The following CPQ variants were observed in gnomAD, a reference collection of about 807,000 sequenced individuals.
CPQ encodes the protein Ser-Met dipeptidase.
Under a neutral mutation model 45.7 loss-of-function variants are expected in CPQ, and 37 were observed. That is an observed-to-expected ratio of 0.81 (90% CI 0.62 to 1.07). The LOEUF is 1.07. Among genes scored for constraint, CPQ ranks in the 50% least tolerant of loss-of-function variants. CPQ has a pLI of 0.00. For synonymous variants in CPQ, 186 were observed against 205.8 expected, an observed-to-expected ratio of 0.90 and a Z score of 0.82; for missense variants, 537 against 572.9, an observed-to-expected ratio of 0.94 and a Z score of 0.64.
intron 5 of CPQ, among the ~76,000 whole-genome samples, chr8:97,001,455 C>T (rs185898765): frequency 6.3e-4 from 95 of 151,972 alleles, no homozygotes; most frequent in African/African-American, 2.2e-3. Flanking sequence ...TAACATGAAT[C>T]GTTGTTGAAT....
intron 2 of CPQ, among the ~76,000 whole-genome samples, chr8:96,802,601 A>G (rs1811021376): frequency 6.6e-6 from 1 of 152,134 alleles, no homozygotes; most frequent in African/African-American, 2.4e-5. Context: ...TCAGAACTTT[A>G]TGTCATCAAA....
intron 1 of CPQ, among the ~76,000 whole-genome samples, chr8:96,762,849 A>G (rs1321532831): frequency 1.3e-5 from 2 of 152,190 alleles, no homozygotes; most frequent in Non-Finnish European, 2.9e-5. Context: ...ATTTAGGCGT[A>G]TGATCAATTT....
chr8:97,070,054 T>G (rs1233983225), intron 7 of CPQ, among the ~76,000 whole-genome samples: 1 of 152,156 alleles, frequency 6.6e-6, no homozygotes, highest in Non-Finnish European at 1.5e-5. Context: ...ATATAAGGCT[T>G]TGGGGAAAAA....
intron 4 of CPQ, among the ~76,000 whole-genome samples, chr8:96,943,336 A>G (rs555687475): frequency 2.0e-5 from 3 of 152,304 alleles, no homozygotes; most frequent in South Asian, 4.1e-4. Flanking sequence ...TAAAGATCCT[A>G]TATACTATTT....
chr8:97,056,283 C>T (rs921231623), intron 6 of CPQ: 5 of 152,174 alleles, frequency 3.3e-5, no homozygotes, highest in Non-Finnish European at 7.3e-5. Flanking sequence ...GAATTTGGAA[C>T]TCATCACCAT....
chr8:97,046,869 G>T (rs943216904), intron 6 of CPQ, among the ~76,000 whole-genome samples: 7 of 152,168 alleles, frequency 4.6e-5, no homozygotes, highest in Admixed American at 3.9e-4. Context: ...TTTGAATTAG[G>T]AAAGGTCAAA....
intron 5 of CPQ, among the ~76,000 whole-genome samples, chr8:96,970,075 TG>T (rs1211614015): frequency 6.6e-6 from 1 of 152,092 alleles, no homozygotes; most frequent in Non-Finnish European, 1.5e-5. Flanking sequence ...CTCTTAGAAA[TG>T]GGGACCCATC....
intron 5 of CPQ, among the ~76,000 whole-genome samples, chr8:96,977,323 T>TA (rs1813806261): frequency 2.1e-5 from 2 of 93,398 alleles, no homozygotes; most frequent in South Asian, 6.6e-4. Context: ...ATATCCGTAA[T>TA]CAAAAAAAAA....
chr8:96,990,200 C>T (rs1333825449), intron 5 of CPQ, among the ~76,000 whole-genome samples: 1 of 152,122 alleles, frequency 6.6e-6, no homozygotes, highest in Non-Finnish European at 1.5e-5. Flanking sequence ...GCTACTCTTC[C>T]AGCCCAAATT....
intron 3 of CPQ, among the ~76,000 whole-genome samples, chr8:96,863,292 G>A (rs991441063): frequency 6.6e-6 from 1 of 152,036 alleles, no homozygotes; most frequent in African/African-American, 2.4e-5. Context: ...ACAAATGTCA[G>A]GAGCTTGGAA....
intron 1 of CPQ, among the ~76,000 whole-genome samples, chr8:96,753,150 T>C (rs1315933280): frequency 1.3e-5 from 2 of 152,202 alleles, no homozygotes; most frequent in Non-Finnish European, 2.9e-5. Context: ...ACAAACCGTT[T>C]ATAGAGTAGT....
chr8:96,815,546 A>T (rs1563503982), intron 2 of CPQ, among the ~76,000 whole-genome samples: 1 of 152,094 alleles, frequency 6.6e-6, no homozygotes. Context: ...GAAAGACAAG[A>T]TGAAGATACA....
intron 5 of CPQ, among the ~76,000 whole-genome samples, chr8:96,972,196 C>T (rs746935776): frequency 6.6e-6 from 1 of 152,172 alleles, no homozygotes; most frequent in Non-Finnish European, 1.5e-5. Context: ...TTCAGGATTG[C>T]AGGCTGCATG....
At chr8:96,647,234 A>G (rs1388659002) in intron 1 of CPQ, among the ~76,000 whole-genome samples, 4 of 152,236 alleles carry the variant, frequency 2.6e-5, no homozygotes, top group Non-Finnish European at 5.9e-5. Context: ...AAATGAAATT[A>G]ATGTTACCTA....
At chr8:96,948,818 T>G (rs1563536117) in intron 4 of CPQ, among the ~76,000 whole-genome samples, 1 of 152,136 alleles carries the variant, frequency 6.6e-6, no homozygotes. Context: ...CATATCTAGG[T>G]GCTCTGATGT....
intron 3 of CPQ, among the ~76,000 whole-genome samples, chr8:96,859,975 G>T (rs1811905144): frequency 6.6e-6 from 1 of 152,100 alleles, no homozygotes; most frequent in South Asian, 2.1e-4. Flanking sequence ...TCTCCAAAAA[G>T]ACTTAAATTT....
intron 7 of CPQ, among the ~76,000 whole-genome samples, chr8:97,131,393 T>C (rs533250492): frequency 6.6e-6 from 1 of 152,364 alleles, no homozygotes; most frequent in East Asian, 1.9e-4. Context: ...CCGTCTTCAT[T>C]TTTCTGAACA....
At chr8:96,712,379 G>T (rs1014087566) in intron 1 of CPQ, among the ~76,000 whole-genome samples, 2 of 152,144 alleles carry the variant, frequency 1.3e-5, no homozygotes, top group African/African-American at 4.8e-5. Flanking sequence ...CTCTGTGTGG[G>T]GGCTATGACA....
intron 5 of CPQ, among the ~76,000 whole-genome samples, chr8:96,986,175 G>C (rs533665958): frequency 6.6e-6 from 1 of 152,294 alleles, no homozygotes; most frequent in South Asian, 2.1e-4. Context: ...GATGCAGTTT[G>C]TAAGTGGTCC....
Sources: gnomAD v4.1 joint callset for allele counts (sites outside exome capture counted in the v4.1 genomes callset) on GRCh38, gnomAD v4.1.1 for gene constraint, MANE v1.5 for transcripts, NCBI Gene and HGNC (gene_info 2026-07-23, HGNC 2026-07-21) for gene names.